Variants in LY86 observed in about 807,000 individuals in gnomAD.
LY86 encodes the protein lymphocyte antigen 86.
A neutral mutation model predicts 17.3 loss-of-function variants in LY86; 20 were observed. The observed-to-expected ratio is 1.15, with a 90% CI of 0.81 to 1.68. The LOEUF is 1.68. Among genes scored for constraint, LY86 ranks in the 40% most tolerant of loss-of-function variants. The pLI is 0.00. For synonymous variants in LY86, 74 were observed against 70.6 expected, an observed-to-expected ratio of 1.05 and a Z score of -0.24; for missense variants, 200 against 191.9, an observed-to-expected ratio of 1.04 and a Z score of -0.25.
chr6:6,612,516 C>CAAAAAGCA (rs61453908), intron 1 of LY86, among the ~76,000 whole-genome samples: 2 of 150,794 alleles, frequency 1.3e-5, no homozygotes, highest in African/African-American at 4.9e-5. Flanking sequence ...CTGCAAAAAG[C>CAAAAAGCA]AAAAGAACAA....
chr6:6,625,914 G>A (rs998729637), intron 2 of LY86, among the ~76,000 whole-genome samples: 4 of 152,196 alleles, frequency 2.6e-5, no homozygotes, highest in Non-Finnish European at 5.9e-5. Context: ...ACAGCAGCAG[G>A]TGTATGTAGG....
At chr6:6,612,144 G>A (rs112716093) in intron 1 of LY86, among the ~76,000 whole-genome samples, 6 of 150,648 alleles carry the variant, frequency 4.0e-5, no homozygotes, top group Admixed American at 1.3e-4. Context: ...TCCTAAGATT[G>A]ATAGATGTGT....
At chr6:6,598,357 C>T (rs1397362516) in intron 1 of LY86, among the ~76,000 whole-genome samples, 2 of 152,064 alleles carry the variant, frequency 1.3e-5, no homozygotes, top group African/African-American at 4.8e-5. Flanking sequence ...TCTTTATTAT[C>T]TTTGTACTGA....
intron 1 of LY86, among the ~76,000 whole-genome samples, chr6:6,613,846 C>T (rs904710534): frequency 6.7e-6 from 1 of 149,094 alleles, no homozygotes; most frequent in East Asian, 1.9e-4. Flanking sequence ...ATCCGCCTTC[C>T]TTCAGTCACT....
At chr6:6,601,305 A>T (rs1164276971) in intron 1 of LY86, among the ~76,000 whole-genome samples, 5 of 152,212 alleles carry the variant, frequency 3.3e-5, no homozygotes, top group African/African-American at 1.2e-4. Context: ...ACTAAACCAC[A>T]GTCATCCCCT....
intron 1 of LY86, among the ~76,000 whole-genome samples, chr6:6,611,738 C>CGA (rs1761341550): frequency 6.6e-6 from 1 of 152,194 alleles, no homozygotes. Flanking sequence ...ATGCTTAAGA[C>CGA]TAAATCACCT....
chr6:6,637,845 T>C (rs1324609147), intron 3 of LY86, among the ~76,000 whole-genome samples: 1 of 152,234 alleles, frequency 6.6e-6, no homozygotes, highest in Non-Finnish European at 1.5e-5. Flanking sequence ...CTACTTCATT[T>C]CCATTTCTAG....
intron 1 of LY86, among the ~76,000 whole-genome samples, chr6:6,601,386 G>A (rs1016854965): frequency 1.8e-4 from 10 of 54,968 alleles, no homozygotes; most frequent in East Asian, 5.9e-4. Flanking sequence ...AAGGGCAGAT[G>A]ATGAAGAGGG....
Position 6,647,973 on chromosome 6 carries a change from AC to A in LY86, c.353-1651del, listed in dbSNP as rs1762130646. Reference sequence around the variant, plus strand: ...AGAGCTCTTCAATCATCACATACACACACACACACACACACACACACACACA... The same window carrying A: ...AGAGCTCTTCAATCATCACATACACAACACACACACACACACACACACACA... On this transcript the variant is annotated intron_variant, in intron 3 of 4. Coordinates refer to ENST00000230568, the MANE Select transcript of LY86 (RefSeq NM_004271.4). 1.7e-4 allele frequency among the ~76,000 whole-genome samples: 3 copies of A among 17,574 alleles called. No homozygotes were observed. The South Asian group carries it at 6.4e-3, about 37-fold the overall frequency. 11.5% of individuals were successfully genotyped at this position (17,574 alleles called of 152,430 possible). A position where few individuals can be genotyped will look rare whatever the true frequency, so the allele number is the denominator to read the frequency against.
chr6:6,629,396 T>C (rs1413502019), intron 3 of LY86, among the ~76,000 whole-genome samples: 1 of 152,198 alleles, frequency 6.6e-6, no homozygotes, highest in Non-Finnish European at 1.5e-5. Flanking sequence ...AAATGGTTAA[T>C]AGTAAGACCA....
chr6:6,603,615 C>CAAAAAAAAAAAAAAA (rs1221531073), intron 1 of LY86, among the ~76,000 whole-genome samples: 20 of 114,156 alleles, frequency 1.8e-4, no homozygotes, highest in Non-Finnish European at 2.3e-4. Context: ...GAAAAAAAAA[C>CAAAAAAAAAAAAAAA]AAACAAAAAA....
At chr6:6,610,547 G>C (rs895823356) in intron 1 of LY86, among the ~76,000 whole-genome samples, 4 of 152,126 alleles carry the variant, frequency 2.6e-5, no homozygotes, top group African/African-American at 9.7e-5. Context: ...AAGCTTAGGG[G>C]GGGGCAAGGT....
chr6:6,654,826 A>G lies in LY86; in HGVS notation c.*199A>G, dbSNP rs1225675575. The G allele has an allele frequency of 8.8e-6, 5 of 568,380 alleles. No individual in the cohort carries two copies. The highest frequency in any genetic ancestry group is 5.8e-5 in the East Asian group (2 of 34,420). The allele number at this position is 568,380 out of a possible 1,614,324, so 35.2% of individuals were successfully genotyped here. ...TCCACAGATGTAATGAAGTCCCCGA[A>G]TGTATCTGTTTCTAAGGAGCCTCTT... On this transcript the variant is annotated 3_prime_UTR_variant, in exon 5 of 5. Coordinates refer to ENST00000230568, the MANE Select transcript of LY86 (RefSeq NM_004271.4).
intron 1 of LY86, among the ~76,000 whole-genome samples, chr6:6,611,362 T>G (rs760516885): frequency 6.6e-6 from 1 of 152,186 alleles, no homozygotes; most frequent in African/African-American, 2.4e-5. Flanking sequence ...ATAAACCCTC[T>G]CTGCCTCAGT....
At chr6:6,601,232 C>A (rs529230517) in intron 1 of LY86, among the ~76,000 whole-genome samples, 4 of 152,250 alleles carry the variant, frequency 2.6e-5, no homozygotes, top group East Asian at 3.9e-4. Context: ...GGATCTTCAG[C>A]ATTTGGGAGA....
At chr6:6,640,987 C>A (rs1342380931) in intron 3 of LY86, among the ~76,000 whole-genome samples, 3 of 152,198 alleles carry the variant, frequency 2.0e-5, no homozygotes, top group Non-Finnish European at 4.4e-5. Context: ...TAGCTGGAAG[C>A]AAAACTAAGA....
At chr6:6,649,712 T>A in intron 4 of LY86, 35 bp downstream of exon 4, 1 of 1,267,374 alleles carries the variant, frequency 7.9e-7, no homozygotes, top group Non-Finnish European at 1.1e-6. Context: ...TTAAATAGTT[T>A]GTTTCTTGAA....
At chr6:6,611,282 T>C (rs1024552783) in intron 1 of LY86, among the ~76,000 whole-genome samples, 3 of 152,212 alleles carry the variant, frequency 2.0e-5, no homozygotes, top group African/African-American at 7.2e-5. Context: ...CCTGAGTTGG[T>C]AGAAAAGAGC....
intron 1 of LY86, among the ~76,000 whole-genome samples, chr6:6,590,130 A>C (rs1039117863): frequency 2.0e-5 from 3 of 150,570 alleles, no homozygotes; most frequent in Admixed American, 6.6e-5. Context: ...AAAAAAAAAA[A>C]AAAAAAAAAA....
Sources: allele counts gnomAD v4.1 joint callset (sites outside exome capture counted in the v4.1 genomes callset), GRCh38; gene constraint gnomAD v4.1.1; transcripts MANE v1.5; gene names NCBI Gene and HGNC (gene_info 2026-07-23, HGNC 2026-07-21).